Variants in ARPP21 observed in about 807,000 individuals in gnomAD.
The protein encoded by ARPP21 is cAMP regulated phosphoprotein 21, also known as cAMP-regulated phosphoprotein 21.
ARPP21 carries 69 observed loss-of-function variants against 113.2 expected under a neutral mutation model. That is an observed-to-expected ratio of 0.61 (90% CI 0.50 to 0.74). ARPP21 has a LOEUF of 0.74. Among genes scored for constraint, ARPP21 ranks in the 30% least tolerant of loss-of-function variants. The probability of loss-of-function intolerance (pLI) is 0.00; values close to 1 mark genes in which losing one functional copy is unlikely to be tolerated. For synonymous variants in ARPP21, 368 were observed against 375.5 expected (o/e 0.98, Z 0.23); for missense variants, 1,070 against 1,037.4 (o/e 1.03, Z -0.43).
At chr3:35,759,676 C>CTGTGTGTGTGTGTG (rs57456659) in intron 19 of ARPP21, among the ~76,000 whole-genome samples, 4,521 of 140,776 alleles carry the variant, frequency 0.032, 89 homozygotes, top group Non-Finnish European at 0.052. Context: ...TTTTCTCTCT[C>CTGTGTGTGTGTGTG]TGTGTGTGTG....
intron 3 of ARPP21, 27 bp from the exon 4 acceptor site, chr3:35,682,821 T>G: frequency 6.3e-7 from 1 of 1,593,190 alleles, no homozygotes; most frequent in Non-Finnish European, 8.5e-7. Flanking sequence ...TTATTTTATT[T>G]TGTTTTATTT....
intron 1 of ARPP21, among the ~76,000 whole-genome samples, chr3:35,654,417 T>A (rs1703853462): frequency 6.6e-6 from 1 of 152,092 alleles, no homozygotes; most frequent in Non-Finnish European, 1.5e-5. Flanking sequence ...CAACCTGTCT[T>A]CTGCCCCATG....
chr3:35,667,830 C>CT (rs2074791579), intron 1 of ARPP21, among the ~76,000 whole-genome samples: 1 of 88,362 alleles, frequency 1.1e-5, no homozygotes, highest in South Asian at 4.4e-4. Flanking sequence ...ACCTGCAGTA[C>CT]TTTTATTCTC....
rs71634571 is a variant in ARPP21, at chr3:35,747,961, AAG to A, written c.2137+4011_2137+4012del. The stretch of plus-strand genomic sequence containing the variant: ...AGAAAGAAAGAAAAAGAAAGAAAGA[AAG>A]AGAGAGAGAGAGAGGGAGGGAAGGA... On this transcript the variant is annotated intron_variant, in intron 19 of 20. Transcript: ENST00000684406. 2.8e-4 allele frequency among the ~76,000 whole-genome samples: 42 copies of A among 147,552 alleles called. No individual in the cohort carries two copies. In the East Asian group the frequency reaches 5.7e-3, roughly 20 times the overall value.
At chr3:35,682,132 C>A (rs987196889) in intron 3 of ARPP21, among the ~76,000 whole-genome samples, 2 of 151,832 alleles carry the variant, frequency 1.3e-5, no homozygotes, top group South Asian at 2.1e-4. Flanking sequence ...ATCCCCTTAC[C>A]AATTTCCAGA....
At chr3:35,658,750 G>A (rs1377501934) in intron 1 of ARPP21, among the ~76,000 whole-genome samples, 1 of 151,988 alleles carries the variant, frequency 6.6e-6, no homozygotes, top group African/African-American at 2.4e-5. Flanking sequence ...TTTCTGAACT[G>A]ACCCCTTTTT....
chr3:35,726,266 C>G (rs2093528670), intron 14 of ARPP21, among the ~76,000 whole-genome samples: 1 of 152,158 alleles, frequency 6.6e-6, no homozygotes, highest in African/African-American at 2.4e-5. Context: ...TTTAAAAAAT[C>G]TTTGAACACT....
At chr3:35,771,245 A>G (rs2151513240) in intron 19 of ARPP21, among the ~76,000 whole-genome samples, 1 of 151,996 alleles carries the variant, frequency 6.6e-6, no homozygotes, top group East Asian at 1.9e-4. Flanking sequence ...CACATTGGTG[A>G]CCATTGCCTC....
intron 2 of ARPP21, among the ~76,000 whole-genome samples, chr3:35,680,205 C>T (rs1485512523): frequency 6.6e-6 from 1 of 151,834 alleles, no homozygotes; most frequent in African/African-American, 2.4e-5. Context: ...GTCCCCTATC[C>T]AATGCACTGA....
chr3:35,716,883 C>A (rs1461758848), intron 12 of ARPP21, among the ~76,000 whole-genome samples: 1 of 152,002 alleles, frequency 6.6e-6, no homozygotes, highest in East Asian at 1.9e-4. Flanking sequence ...AACCAAAAAT[C>A]TAAGTGACTT....
intron 9 of ARPP21, among the ~76,000 whole-genome samples, chr3:35,697,266 G>C (rs1341274393): frequency 6.6e-6 from 1 of 151,576 alleles, no homozygotes; most frequent in African/African-American, 2.4e-5. Context: ...CAAATCCACT[G>C]AAAGAGAGTG....
At chr3:35,707,494 C>T (rs546661968) in intron 10 of ARPP21, 53 of 462,334 alleles carry the variant, frequency 1.1e-4, no homozygotes, top group Admixed American at 3.3e-4. Flanking sequence ...ATTATCAATA[C>T]GGACCGATGA....
intron 5 of ARPP21, among the ~76,000 whole-genome samples, chr3:35,687,280 G>C (rs1291317563): frequency 4.6e-5 from 7 of 150,760 alleles, no homozygotes; most frequent in Non-Finnish European, 1.0e-4. Context: ...CTTTCTTTAT[G>C]TCTGTTCTAT....
At chr3:35,764,763 C>G (rs1015206209) in intron 19 of ARPP21, among the ~76,000 whole-genome samples, 1 of 152,096 alleles carries the variant, frequency 6.6e-6, no homozygotes, top group Non-Finnish European at 1.5e-5. Flanking sequence ...GTTTTTCTAA[C>G]TGGTTCTGGA....
chr3:35,734,093 G>T (rs1163093856), intron 15 of ARPP21, among the ~76,000 whole-genome samples: 1 of 152,100 alleles, frequency 6.6e-6, no homozygotes, highest in Non-Finnish European at 1.5e-5. Flanking sequence ...ATGTGTATGT[G>T]CGTATGTGTG....
At chr3:35,712,998 C>T (rs13081406) in intron 11 of ARPP21, among the ~76,000 whole-genome samples, 54,263 of 151,886 alleles carry the variant, frequency 0.36, 10,941 homozygotes, top group East Asian at 0.72. Context: ...ATCTGTGGTC[C>T]TCCTAACATG....
chr3:35,643,924 T>C (rs1699173956), intron 1 of ARPP21: 2 of 152,038 alleles, frequency 1.3e-5, no homozygotes, highest in African/African-American at 4.8e-5. Flanking sequence ...TAAAAATATA[T>C]TATATCACCT....
At chr3:35,748,197 G>C (rs572840937) in intron 19 of ARPP21, among the ~76,000 whole-genome samples, 42 of 143,628 alleles carry the variant, frequency 2.9e-4, no homozygotes, top group Non-Finnish European at 1.2e-4. Context: ...GAAAGAAAGA[G>C]AGAGAGAGGG....
chr3:35,708,213 A>G (rs1281556004), intron 10 of ARPP21, among the ~76,000 whole-genome samples: 1 of 152,176 alleles, frequency 6.6e-6, no homozygotes, highest in African/African-American at 2.4e-5. Flanking sequence ...TGGTTAGTGC[A>G]GAGCAGTTTG....
Sources: gnomAD v4.1 joint callset for allele counts (sites outside exome capture counted in the v4.1 genomes callset) on GRCh38, gnomAD v4.1.1 for gene constraint, MANE v1.5 for transcripts, NCBI Gene and HGNC (gene_info 2026-07-23, HGNC 2026-07-21) for gene names.